The following DCBLD2 variants were observed in gnomAD, a reference collection of about 807,000 sequenced individuals.
DCBLD2 encodes discoidin, CUB and LCCL domain-containing protein 2.
DCBLD2 carries 54 observed loss-of-function variants against 86.8 expected under a neutral mutation model. The observed-to-expected ratio is 0.62, with a 90% confidence interval of 0.50 to 0.78. The LOEUF is 0.78. DCBLD2 is among the 30% of genes least tolerant of loss of function. The probability of loss-of-function intolerance (pLI) is 0.00; values close to 1 mark genes in which losing one functional copy is unlikely to be tolerated. For missense variants in DCBLD2, 908 were observed against 954.2 expected (o/e 0.95, Z 0.64); for synonymous variants, 354 against 341.3 (o/e 1.04, Z -0.41).
chr3:98,844,205 G>C (rs573594788), intron 3 of DCBLD2, among the ~76,000 whole-genome samples: 7 of 151,998 alleles, frequency 4.6e-5, no homozygotes, highest in Non-Finnish European at 1.0e-4. Flanking sequence ...CAAATGTCCA[G>C]TTCCTCCTAG....
Position 98,799,570 on chromosome 3 carries a change from T to C in DCBLD2, c.2130A>G (p.Pro710=), listed in dbSNP as rs766584101. 8.7e-6 allele frequency: 14 copies of C among 1,613,908 alleles called. No homozygotes were observed. The highest frequency in any genetic ancestry group is 1.2e-5 in the Non-Finnish European group (14 of 1,179,862). Residue 710 remains proline (P), a synonymous_variant, in exon 16 of 16, where the codon CCA becomes CCG. Coordinates refer to ENST00000326840, the MANE Select transcript of DCBLD2 (RefSeq NM_080927.4). The part of the protein sequence containing the change: ...TFKATGNQPP[P]LVGTYNTLLS... ...GAAGTGTATTGTAAGTTCCCACTAGTGGGGGAGGTTGGTTCCCCGTAGCCT... is the reference window on the plus strand; with the variant it reads ...GAAGTGTATTGTAAGTTCCCACTAGCGGGGGAGGTTGGTTCCCCGTAGCCT...
At chr3:98,884,984 TA>T (rs1943535704) in intron 1 of DCBLD2, among the ~76,000 whole-genome samples, 1 of 152,176 alleles carries the variant, frequency 6.6e-6, no homozygotes, top group Non-Finnish European at 1.5e-5. Flanking sequence ...TCTCAATAAA[TA>T]CACGAACATT....
chr3:98,807,775 A>G (rs1415897663), intron 13 of DCBLD2: 1 of 173,206 alleles, frequency 5.8e-6, no homozygotes, highest in Non-Finnish European at 1.2e-5. Context: ...CCTGCTAAAC[A>G]CTTCAGAGAA....
At chr3:98,878,815 A>G (rs1244719359) in intron 2 of DCBLD2, among the ~76,000 whole-genome samples, 1 of 152,240 alleles carries the variant, frequency 6.6e-6, no homozygotes, top group East Asian at 1.9e-4. Flanking sequence ...GAGAATAGGA[A>G]AAAGCAATGG....
chr3:98,852,202 G>A (rs1410509085), intron 2 of DCBLD2, among the ~76,000 whole-genome samples: 1 of 150,626 alleles, frequency 6.6e-6, no homozygotes, highest in Non-Finnish European at 1.5e-5. Flanking sequence ...GTGTTTACTT[G>A]TAAAATTTCC....
intron 14 of DCBLD2, 176 bp from the exon 15 acceptor site, chr3:98,800,892 C>T (rs1941707015): frequency 1.4e-6 from 1 of 711,268 alleles, no homozygotes; most frequent in South Asian, 2.0e-5. Flanking sequence ...TATCCAGCAC[C>T]AAGCAGTACA....
At chr3:98,837,891 G>A (rs1365967408) in intron 3 of DCBLD2, among the ~76,000 whole-genome samples, 173 of 119,504 alleles carry the variant, frequency 1.4e-3, no homozygotes, top group African/African-American at 4.4e-3. Context: ...CCTCCCTCCC[G>A]GATGGGGCGG....
intron 3 of DCBLD2, among the ~76,000 whole-genome samples, chr3:98,834,793 T>G (rs1433010937): frequency 1.3e-5 from 2 of 152,266 alleles, no homozygotes; most frequent in Non-Finnish European, 2.9e-5. Flanking sequence ...TATTGAAACT[T>G]ATAGATGTTA....
chr3:98,840,894 T>G (rs1450936922), intron 3 of DCBLD2, among the ~76,000 whole-genome samples: 1 of 152,162 alleles, frequency 6.6e-6, no homozygotes, highest in African/African-American at 2.4e-5. Flanking sequence ...GCACGAAGTA[T>G]CACACATATG....
intron 3 of DCBLD2, among the ~76,000 whole-genome samples, chr3:98,837,877 C>A (rs1942503247): frequency 7.0e-6 from 1 of 142,502 alleles, no homozygotes; most frequent in African/African-American, 2.7e-5. Flanking sequence ...GGCTGACCCC[C>A]CCACCTCCCT....
intron 2 of DCBLD2, among the ~76,000 whole-genome samples, chr3:98,869,907 T>C (rs1220692001): frequency 6.6e-6 from 1 of 152,246 alleles, no homozygotes; most frequent in Non-Finnish European, 1.5e-5. Flanking sequence ...GAAATACCGC[T>C]ACTAAAAATG....
At chr3:98,891,732 A>G (rs1943664882) in intron 1 of DCBLD2, among the ~76,000 whole-genome samples, 1 of 152,010 alleles carries the variant, frequency 6.6e-6, no homozygotes, top group Admixed American at 6.6e-5. Flanking sequence ...GACTCCCCAC[A>G]TGCTCCACGC....
intron 12 of DCBLD2, among the ~76,000 whole-genome samples, chr3:98,810,906 A>G (rs547095166): frequency 6.6e-6 from 1 of 152,268 alleles, no homozygotes; most frequent in South Asian, 2.1e-4. Flanking sequence ...TGTATTTCTA[A>G]GCCTGAGAGT....
rs1175991538 is a variant in DCBLD2, at chr3:98,901,226, C to A, written c.101G>T (p.Arg34Leu). The A allele has an allele frequency of 1.3e-6, 2 of 1,534,880 alleles. No individual in the cohort carries two copies. Among genetic ancestry groups the A allele is most frequent in the Middle Eastern group, 2.1e-4 (1 of 4,834 alleles). Residue 34 changes from arginine (R) to leucine (L), a missense_variant, in exon 1 of 16, where the codon CGC becomes CTC. Physicochemically the swap from Arg to Leu is moderately radical, Grantham distance 102. Transcript: ENST00000326840. ...APAWAALPLS[R>L]SLPPCSNSSS... is the part of the protein sequence containing the mutation. Reference sequence around the variant, plus strand: ...GGAGTTGGAGCAGGGAGGGAGGGAGCGGGAGAGGGGGAGCGCGGCCCAGGC... The same window carrying A: ...GGAGTTGGAGCAGGGAGGGAGGGAGAGGGAGAGGGGGAGCGCGGCCCAGGC...
At chr3:98,870,753 G>GAA (rs764876057) in intron 2 of DCBLD2, among the ~76,000 whole-genome samples, 2 of 125,734 alleles carry the variant, frequency 1.6e-5, no homozygotes, top group Non-Finnish European at 3.3e-5. Context: ...AAGAAAGAAA[G>GAA]AAAGAAAGAA....
intron 3 of DCBLD2, among the ~76,000 whole-genome samples, chr3:98,845,856 C>T (rs938062802): frequency 1.3e-5 from 2 of 152,158 alleles, no homozygotes; most frequent in Non-Finnish European, 2.9e-5. Context: ...TCCTTGTCTG[C>T]CTGGAAACTC....
chr3:98,826,174 G>A (rs2107453717), intron 3 of DCBLD2, among the ~76,000 whole-genome samples: 1 of 147,964 alleles, frequency 6.8e-6, no homozygotes, highest in South Asian at 2.1e-4. Flanking sequence ...TAAAAAAAAA[G>A]CAAAAAAAAC....
intron 9 of DCBLD2, chr3:98,815,272 C>T (rs1407624064): frequency 1.3e-5 from 2 of 152,104 alleles, no homozygotes; most frequent in African/African-American, 2.4e-5. Context: ...CTTACACTGC[C>T]AAGAGGTAGA....
intron 1 of DCBLD2, among the ~76,000 whole-genome samples, chr3:98,894,376 A>C (rs1188696322): frequency 6.6e-6 from 1 of 152,094 alleles, no homozygotes; most frequent in Non-Finnish European, 1.5e-5. Flanking sequence ...AACTAGGGGG[A>C]CTTTTATAAT....
Sources: gnomAD v4.1 joint callset for allele counts (sites outside exome capture counted in the v4.1 genomes callset) on GRCh38, gnomAD v4.1.1 for gene constraint, MANE v1.5 for transcripts, NCBI Gene and HGNC (gene_info 2026-07-23, HGNC 2026-07-21) for gene names.